SAMD12: variants seen among roughly 807,000 people sequenced by gnomAD.
The protein encoded by SAMD12 is sterile alpha motif domain-containing protein 12.
In SAMD12, 9 loss-of-function variants were observed where a neutral mutation model predicts 15.0. The observed-to-expected ratio is 0.60, with a 90% confidence interval of 0.36 to 1.05. SAMD12 has a LOEUF of 1.05. Ranked by LOEUF, SAMD12 falls within the 50% of genes least tolerant of loss-of-function variation. The pLI is 0.01. For synonymous variants in SAMD12, 86 were observed against 90.1 expected (o/e 0.96, Z 0.25); for missense variants, 230 against 234.2 (o/e 0.98, Z 0.12).
At chr8:118,418,580 G>A (rs533818880) in intron 3 of SAMD12, among the ~76,000 whole-genome samples, 33 of 152,216 alleles carry the variant, frequency 2.2e-4, no homozygotes, top group African/African-American at 6.3e-4. Context: ...TTAGCAGAGC[G>A]TGGTGGCGGG....
chr8:118,206,635 A>T (rs746056467), intron 4 of SAMD12, among the ~76,000 whole-genome samples: 10 of 152,370 alleles, frequency 6.6e-5, no homozygotes, highest in Admixed American at 1.3e-4. Context: ...TAGAATCTGT[A>T]TCACAATCTA....
At chr8:118,494,464 A>G (rs934541802) in intron 2 of SAMD12, among the ~76,000 whole-genome samples, 6 of 152,204 alleles carry the variant, frequency 3.9e-5, no homozygotes, top group Non-Finnish European at 7.3e-5. Context: ...ATTTCATGAA[A>G]TTACATTACA....
chr8:118,584,841 C>A (rs1827392030), intron 1 of SAMD12, among the ~76,000 whole-genome samples: 1 of 151,772 alleles, frequency 6.6e-6, no homozygotes, highest in African/African-American at 2.4e-5. Flanking sequence ...GTGATACACC[C>A]CCTGTGGGAA....
chr8:118,242,657 A>C (rs927352797), intron 4 of SAMD12, among the ~76,000 whole-genome samples: 5 of 152,050 alleles, frequency 3.3e-5, no homozygotes, highest in African/African-American at 1.2e-4. Flanking sequence ...CATATCTCCC[A>C]CAGACAAGTG....
In SAMD12 at chr8:118,609,877, G is replaced by T. The variant is rs575957292; in HGVS notation, c.13+11927C>A. Among the ~76,000 whole-genome samples, 12 of 152,294 alleles carry T rather than the reference G, an allele frequency of 7.9e-5. No individual in the cohort carries two copies. The South Asian group carries it at 2.3e-3, about 29-fold the overall frequency. ...GCTCCCCTCTGATAGACAGAGCAGA[G>T]CCCCTAGACAGCCTTCCTGCCCACA... On this transcript the variant is annotated intron_variant, in intron 1 of 3. Transcript: ENST00000314727.
chr8:118,537,527 A>G (rs1387688027), intron 2 of SAMD12, among the ~76,000 whole-genome samples: 1 of 152,152 alleles, frequency 6.6e-6, no homozygotes, highest in Non-Finnish European at 1.5e-5. Flanking sequence ...AGGCTCACGA[A>G]TTCTTTCTTC....
At chr8:118,597,324 T>C (rs575532702) in intron 1 of SAMD12, among the ~76,000 whole-genome samples, 1 of 152,202 alleles carries the variant, frequency 6.6e-6, no homozygotes, top group Non-Finnish European at 1.5e-5. Context: ...AAAATATTCC[T>C]TGTGCATTTG....
At chr8:118,559,213 T>C (rs908955582) in intron 2 of SAMD12, among the ~76,000 whole-genome samples, 2 of 152,176 alleles carry the variant, frequency 1.3e-5, no homozygotes, top group African/African-American at 2.4e-5. Flanking sequence ...AGACCCTTTT[T>C]TCCCCCCTAC....
chr8:118,147,812 T>C, the SAMD12 span, among the ~76,000 whole-genome samples: 1 of 152,120 alleles, frequency 6.6e-6, no homozygotes, highest in Admixed American at 6.5e-5. Flanking sequence ...AGTGGAGTGG[T>C]GCAATAAGCT....
intron 2 of SAMD12, among the ~76,000 whole-genome samples, chr8:118,455,771 C>T (rs1313030361): frequency 6.6e-6 from 1 of 152,190 alleles, no homozygotes; most frequent in East Asian, 1.9e-4. Context: ...CCTGGTAGAT[C>T]CTGACGAAAA....
At chr8:118,212,385 C>T (rs17484964) in intron 4 of SAMD12, among the ~76,000 whole-genome samples, 4,736 of 152,188 alleles carry the variant, frequency 0.031, 221 homozygotes, top group African/African-American at 0.097. Context: ...TATAGTCCCG[C>T]ATCAGGCATA....
chr8:118,470,759 T>A (rs1053116006), intron 2 of SAMD12, among the ~76,000 whole-genome samples: 2 of 152,216 alleles, frequency 1.3e-5, no homozygotes, highest in Non-Finnish European at 2.9e-5. Flanking sequence ...ATGAACATAT[T>A]AGAATATGTG....
chr8:118,320,934 A>G (rs957904182), intron 4 of SAMD12, among the ~76,000 whole-genome samples: 3 of 148,888 alleles, frequency 2.0e-5, no homozygotes, highest in Non-Finnish European at 4.5e-5. Flanking sequence ...AGTGCAAACA[A>G]ATGATATCTC....
At chr8:118,320,410 C>T (rs891353119) in intron 4 of SAMD12, among the ~76,000 whole-genome samples, 1 of 152,090 alleles carries the variant, frequency 6.6e-6, no homozygotes, top group Non-Finnish European at 1.5e-5. Context: ...ACTCCAGTGG[C>T]AGTCTGTTGA....
intron 2 of SAMD12, among the ~76,000 whole-genome samples, chr8:118,524,108 C>A (rs564834106): frequency 1.6e-4 from 24 of 152,232 alleles, no homozygotes; most frequent in Non-Finnish European, 3.5e-4. Flanking sequence ...TCTACCCCAA[C>A]CCCATTTAGA....
Position 118,378,325 on chromosome 8 carries a change from C to G in SAMD12, c.*1092G>C, listed in dbSNP as rs1039455262. ...TGACAGACTTTCTTATCATAATCTT[C>G]GTATTTCTATCTACTTCTTAAAAGA... On this transcript the variant is annotated 3_prime_UTR_variant, in exon 4 of 4. Transcript: ENST00000314727. 1.1e-6 allele frequency: 1 copy of G among 873,660 alleles called. No homozygotes were observed. The highest frequency in any genetic ancestry group is 1.4e-6 in the Non-Finnish European group (1 of 728,394). 54.1% of individuals were successfully genotyped at this position (873,660 alleles called of 1,614,324 possible).
intron 2 of SAMD12, among the ~76,000 whole-genome samples, chr8:118,472,909 G>T (rs1586745516): frequency 6.7e-6 from 1 of 149,578 alleles, no homozygotes; most frequent in Admixed American, 6.7e-5. Flanking sequence ...GCTTAAAATT[G>T]TCTCAAAATG....
chr8:118,466,805 A>G (rs1186899916), intron 2 of SAMD12, among the ~76,000 whole-genome samples: 1 of 152,116 alleles, frequency 6.6e-6, no homozygotes, highest in Non-Finnish European at 1.5e-5. Flanking sequence ...AGAGAGAGAA[A>G]AAAAAATACG....
At chr8:118,455,139 AC>A (rs1823207006) in intron 2 of SAMD12, among the ~76,000 whole-genome samples, 1 of 152,110 alleles carries the variant, frequency 6.6e-6, no homozygotes, top group Admixed American at 6.6e-5. Context: ...GGCCACTGAG[AC>A]ACGCAGGTTG....
Sources: allele counts gnomAD v4.1 joint callset (sites outside exome capture counted in the v4.1 genomes callset), GRCh38; gene constraint gnomAD v4.1.1; transcripts MANE v1.5; gene names NCBI Gene and HGNC (gene_info 2026-07-23, HGNC 2026-07-21).